FGFRL1: variants seen among roughly 807,000 people sequenced by gnomAD.
FGFRL1 encodes the protein fibroblast growth factor receptor like 1.
A neutral mutation model predicts 36.8 loss-of-function variants in FGFRL1; 24 were observed. The observed-to-expected ratio is 0.65, with a 90% CI of 0.47 to 0.92. The LOEUF is 0.92. Ranked by LOEUF, FGFRL1 falls within the 40% of genes least tolerant of loss-of-function variation. The pLI is 0.00. For synonymous variants in FGFRL1, 422 were observed against 344.1 expected, an observed-to-expected ratio of 1.23 and a Z score of -2.50; for missense variants, 785 against 753.4, an observed-to-expected ratio of 1.04 and a Z score of -0.49.
chr4:1,022,567 G>C, intron 3 of FGFRL1, 92 bp downstream of exon 3: 1 of 1,444,534 alleles, frequency 6.9e-7, no homozygotes, highest in Non-Finnish European at 9.2e-7. Flanking sequence ...TGGGGCCCGA[G>C]AGTCAGCCAG....
chr4:1,020,035 G>C (rs1162974261), intron 2 of FGFRL1, among the ~76,000 whole-genome samples: 1 of 152,254 alleles, frequency 6.6e-6, no homozygotes, highest in African/African-American at 2.4e-5. Context: ...CACTGATTGG[G>C]AGGCCTCCAG....
chr4:1,016,987 C>T (rs1715919936), intron 2 of FGFRL1, among the ~76,000 whole-genome samples: 2 of 152,174 alleles, frequency 1.3e-5, no homozygotes, highest in Admixed American at 1.3e-4. Flanking sequence ...GGCACTGTGT[C>T]TCTTCTCGGT....
chr4:1,023,759 G>T lies in FGFRL1; in HGVS notation c.433+38G>T, dbSNP rs759553930. On this transcript the variant is annotated intron_variant, in intron 4 of 6. Coordinates refer to ENST00000510644, the MANE Select transcript of FGFRL1 (RefSeq NM_001004356.3). The surrounding 1 kb of genome is among the most constrained non-coding windows in gnomAD (Gnocchi z 6.0). ...TGACGGGGGTGGGGGGCGTCCGTCT[G>T]TCCCGGCCCCTTGGCTGCATCCCCG... The T allele has an allele frequency of 1.3e-6, 2 of 1,550,972 alleles. No individual in the cohort carries two copies. The highest frequency in any genetic ancestry group is 1.4e-5 in the African/African-American group (1 of 73,872).
chr4:1,022,721 G>A (rs1044376177), intron 3 of FGFRL1, among the ~76,000 whole-genome samples: 1 of 152,220 alleles, frequency 6.6e-6, no homozygotes, highest in Non-Finnish European at 1.5e-5. Context: ...GGCGGAGGGT[G>A]GAGGGCGGGA....
Position 1,024,990 on chromosome 4 carries a change from C to T in FGFRL1, c.1158C>T (p.Gly386=), listed in dbSNP as rs375677549. The T allele has an allele frequency of 1.8e-4, 286 of 1,610,390 alleles. No individual in the cohort carries two copies. Among genetic ancestry groups the T allele is most frequent in the Non-Finnish European group, 2.0e-4 (240 of 1,179,660 alleles). ...CCGTGGTCATCGGCATCCCAGCCGG[C>T]GCTGTCTTCATCCTGGGCACCCTGC... ...PWPVVIGIPA[G]AVFILGTLLL... Residue 386 remains glycine (G), a synonymous_variant, in exon 7 of 7, where the codon GGC becomes GGT. Transcript: ENST00000510644.
chr4:1,022,642 T>G (rs1012716747), intron 3 of FGFRL1, among the ~76,000 whole-genome samples, 167 bp downstream of exon 3: 1 of 152,124 alleles, frequency 6.6e-6, no homozygotes, highest in Middle Eastern at 3.4e-3. Context: ...TCTGCCACCA[T>G]CCCCCAGGTA....
In FGFRL1 at chr4:1,025,265, TCCA is replaced by T. The variant is rs1560566466; in HGVS notation, c.1435_1437del (p.His479del). 1 of 1,595,614 alleles carries T rather than the reference TCCA, an allele frequency of 6.3e-7. No homozygotes were observed. Among genetic ancestry groups the T allele is most frequent in the Non-Finnish European group, 8.5e-7 (1 of 1,171,146 alleles). On this transcript the variant is annotated inframe_deletion, in exon 7 of 7. Coordinates refer to ENST00000510644, the MANE Select transcript of FGFRL1 (RefSeq NM_001004356.3). ...TTGTACCCCAAACTCTACACAGACA[TCCA>T]CACACACACACACACACACTCTCAC...
In FGFRL1 at chr4:1,023,584, G is replaced by T. The variant is rs1716313568; in HGVS notation, c.353-57G>T. 1 of 1,499,214 alleles carries T rather than the reference G, an allele frequency of 6.7e-7. No homozygotes were observed. The highest frequency in any genetic ancestry group is 9.1e-7 in the Non-Finnish European group (1 of 1,101,468). 92.9% of individuals were successfully genotyped at this position (1,499,214 alleles called of 1,614,324 possible). On this transcript the variant is annotated intron_variant, in intron 3 of 6. Coordinates refer to ENST00000510644, the MANE Select transcript of FGFRL1 (RefSeq NM_001004356.3). The surrounding 1 kb of genome is among the most constrained non-coding windows in gnomAD (Gnocchi z 6.0). ...AGCTAGAGGCCACGGGGGAGTTGGG[G>T]GAGCTCCTCAGGGCCCCCCTCACCT...
intron 1 of FGFRL1, 109 bp from the exon 2 acceptor site, chr4:1,012,361 G>T: frequency 1.6e-6 from 2 of 1,281,830 alleles, no homozygotes; most frequent in South Asian, 1.4e-5. Context: ...CGCGGGCGGG[G>T]AGGGCCTGTG....
intron 2 of FGFRL1, 33 bp downstream of exon 2, chr4:1,012,597 C>T (rs759864109): frequency 9.4e-7 from 1 of 1,063,198 alleles, no homozygotes. Context: ...GCCAGCCTGG[C>T]CTCCGCCAGC....
chr4:1,013,555 A>G (rs1424090280), intron 2 of FGFRL1, among the ~76,000 whole-genome samples: 1 of 152,160 alleles, frequency 6.6e-6, no homozygotes, highest in Non-Finnish European at 1.5e-5. Flanking sequence ...GCCTGCCCAC[A>G]TGGGCCTGGC....
intron 2 of FGFRL1, among the ~76,000 whole-genome samples, chr4:1,014,749 G>C (rs369293237): frequency 6.6e-6 from 1 of 152,234 alleles, no homozygotes. Flanking sequence ...CGTGTGCAGC[G>C]GGCTGAGGTG....
At position 1,023,257 on chromosome 4, in the gene FGFRL1, C is replaced by G. The variant is rs1260992890; in HGVS notation, c.353-384C>G. Among the ~76,000 whole-genome samples, 1 of 151,892 alleles carries G rather than the reference C, an allele frequency of 6.6e-6. No individual in the cohort carries two copies. The highest frequency in any genetic ancestry group is 1.5e-5 in the Non-Finnish European group (1 of 67,928). Reference sequence around the variant, plus strand: ...CCCCACCCCCACCCCACAGTCCTTTCAAAGGGGACGATGACCGGGTGGTAT... The same window carrying G: ...CCCCACCCCCACCCCACAGTCCTTTGAAAGGGGACGATGACCGGGTGGTAT... On this transcript the variant is annotated intron_variant, in intron 3 of 6. Coordinates refer to ENST00000510644, the MANE Select transcript of FGFRL1 (RefSeq NM_001004356.3). This position sits in a 1 kb window ranked among gnomAD's most constrained non-coding sequence, Gnocchi z 6.0.
intron 2 of FGFRL1, among the ~76,000 whole-genome samples, chr4:1,019,357 C>A (rs935205176): frequency 1.3e-5 from 2 of 152,234 alleles, no homozygotes; most frequent in Admixed American, 1.3e-4. Context: ...TGAACATGCA[C>A]GTGTGAGGCC....
chr4:1,025,112 GC>G lies in FGFRL1; in HGVS notation c.1281del (p.Ser427ArgfsTer153). Reference protein sequence around the residue: ...HRPPGTARDRSGDKDLPSLAA... With the variant: ...HRPPGTARDRXGDKDLPSLAA... ...CCGCCGGGGACGGCCCGCGACCGCA[GC>G]GGAGACAAGGACCTTCCCTCGTTGG... On this transcript the variant is annotated frameshift_variant, in exon 7 of 7. Coordinates refer to ENST00000510644, the MANE Select transcript of FGFRL1 (RefSeq NM_001004356.3). LOFTEE classifies it high-confidence loss of function. 1 of 1,611,376 alleles carries G rather than the reference GC, an allele frequency of 6.2e-7. No homozygotes were observed. The highest frequency in any genetic ancestry group is 8.5e-7 in the Non-Finnish European group (1 of 1,179,336).
intron 2 of FGFRL1, among the ~76,000 whole-genome samples, chr4:1,013,740 G>A (rs541536479): frequency 4.6e-5 from 7 of 152,396 alleles, no homozygotes; most frequent in African/African-American, 1.7e-4. Flanking sequence ...AGGCTCTGGA[G>A]GCCTCTGTCC....
chr4:1,016,706 G>A (rs1433276577), intron 2 of FGFRL1, among the ~76,000 whole-genome samples: 2 of 152,066 alleles, frequency 1.3e-5, no homozygotes, highest in African/African-American at 2.4e-5. Context: ...TCGCTAGCTG[G>A]TGACTGTGTG....
At chr4:1,012,400 C>T in intron 1 of FGFRL1, 70 bp from the exon 2 acceptor site, 5 of 1,542,508 alleles carry the variant, frequency 3.2e-6, no homozygotes, top group Non-Finnish European at 3.5e-6. Flanking sequence ...CTGATCCCCG[C>T]GGCCCGGGAC....
At position 1,024,119 on chromosome 4, in the gene FGFRL1, C is replaced by T. The variant is rs766962187; in HGVS notation, c.718+18C>T. 107 of 1,425,604 alleles carry T rather than the reference C, an allele frequency of 7.5e-5. No homozygotes were observed. The highest frequency in any genetic ancestry group is 4.7e-4 in the South Asian group (34 of 72,480). 88.3% of individuals were successfully genotyped at this position (1,425,604 alleles called of 1,614,324 possible). A position where few individuals can be genotyped will look rare whatever the true frequency, so the allele number is the denominator to read the frequency against. On this transcript the variant is annotated intron_variant, in intron 5 of 6. Coordinates refer to ENST00000510644, the MANE Select transcript of FGFRL1 (RefSeq NM_001004356.3). ...TGTGATCCGTGAGTGTGGCCCCGGGCGCTGGCGGGCGGGGGGTGCTGGTGG... is the reference window on the plus strand; with the variant it reads ...TGTGATCCGTGAGTGTGGCCCCGGGTGCTGGCGGGCGGGGGGTGCTGGTGG...
Sources: gnomAD v4.1 joint callset for allele counts (sites outside exome capture counted in the v4.1 genomes callset) on GRCh38, gnomAD v4.1.1 for gene constraint, Gnocchi (gnomAD v3.1) non-coding constraint, MANE v1.5 for transcripts, NCBI Gene and HGNC (gene_info 2026-07-23, HGNC 2026-07-21) for gene names.